Variants in PIP4K2C observed in about 807,000 individuals in gnomAD.
The protein encoded by PIP4K2C is phosphatidylinositol 5-phosphate 4-kinase type-2 gamma.
Under a neutral mutation model 45.0 loss-of-function variants are expected in PIP4K2C, and 21 were observed. That is an observed-to-expected ratio of 0.47 (90% CI 0.33 to 0.67). The LOEUF is 0.67. Ranked by LOEUF, PIP4K2C falls within the 30% of genes least tolerant of loss-of-function variation. PIP4K2C has a pLI of 0.02. For synonymous variants in PIP4K2C, 201 were observed against 204.8 expected (o/e 0.98, Z 0.16); for missense variants, 456 against 542.8 (o/e 0.84, Z 1.59).
In PIP4K2C at chr12:57,602,343, A is replaced by C. The variant is rs1819851411; in HGVS notation, c.*737A>C. 1 of 152,292 alleles carries C rather than the reference A, an allele frequency of 6.6e-6. No homozygotes were observed. The highest frequency in any genetic ancestry group is 2.4e-5 in the African/African-American group (1 of 41,452). The allele number at this position is 152,292 out of a possible 1,614,324, so 9.4% of individuals were successfully genotyped here. A position where few individuals can be genotyped will look rare whatever the true frequency, so the allele number is the denominator to read the frequency against. Reference sequence around the variant, plus strand: ...TCTCTACATCTGGGCACAGCAACCCAGAGATGGCCAAAAGCATTCAAGCCT... The same window carrying C: ...TCTCTACATCTGGGCACAGCAACCCCGAGATGGCCAAAAGCATTCAAGCCT... On this transcript the variant is annotated 3_prime_UTR_variant, in exon 10 of 10. Coordinates refer to ENST00000354947, the MANE Select transcript of PIP4K2C (RefSeq NM_024779.5).
At chr12:57,595,702 CAAA>C (rs67101543) in intron 3 of PIP4K2C, among the ~76,000 whole-genome samples, 183 bp from the exon 4 acceptor site, 46 of 101,498 alleles carry the variant, frequency 4.5e-4, no homozygotes, top group Admixed American at 4.9e-4. Flanking sequence ...GACTCCTTGT[CAAA>C]AAAAAAAAAA....
Position 57,601,982 on chromosome 12 carries a change from T to G in PIP4K2C, c.*376T>G, listed in dbSNP as rs1883461268. The G allele has an allele frequency of 4.2e-6, 1 of 240,014 alleles. No individual in the cohort carries two copies. Among genetic ancestry groups the G allele is most frequent in the Non-Finnish European group, 8.3e-6 (1 of 120,984 alleles). The allele number at this position is 240,014 out of a possible 1,614,324, so 14.9% of individuals were successfully genotyped here. A position where few individuals can be genotyped will look rare whatever the true frequency, so the allele number is the denominator to read the frequency against. On this transcript the variant is annotated 3_prime_UTR_variant, in exon 10 of 10. Coordinates refer to ENST00000354947, the MANE Select transcript of PIP4K2C (RefSeq NM_024779.5). ...CAGGACCTGACTGGACAGATGGACCTGGCTCAAGCAACTACTCTGGATGCA... is the reference window on the plus strand; with the variant it reads ...CAGGACCTGACTGGACAGATGGACCGGGCTCAAGCAACTACTCTGGATGCA...
chr12:57,595,939 T>G lies in PIP4K2C; in HGVS notation c.421T>G (p.Phe141Val), dbSNP rs761761394. ...PSESEGSDGR[F>V]LISYDRTLVI... ...CGAAAGTGAAGGCAGTGATGGTCGC[T>G]TCCTTATCTCCTACGATCGGACTCT... is the stretch of plus-strand genomic sequence containing the variant. Residue 141 changes from phenylalanine (F) to valine (V), a missense_variant, in exon 4 of 10, where the codon TTC (phenylalanine) becomes GTC (valine). Physicochemically the swap from Phe to Val is conservative, Grantham distance 50. Around this residue, in one of 2 missense-constraint regions of PIP4K2C, gnomAD observed 421 missense variants for 473.1 expected, o/e 0.89. Coordinates refer to ENST00000354947, the MANE Select transcript of PIP4K2C (RefSeq NM_024779.5). The G allele has an allele frequency of 3.2e-5, 51 of 1,613,934 alleles. No individual in the cohort carries two copies. Among genetic ancestry groups the G allele is most frequent in the Non-Finnish European group, 4.1e-5 (48 of 1,179,974 alleles).
At chr12:57,596,358 G>A (rs1166503737) in intron 4 of PIP4K2C, among the ~76,000 whole-genome samples, 2 of 152,056 alleles carry the variant, frequency 1.3e-5, no homozygotes, top group Non-Finnish European at 2.9e-5. Flanking sequence ...GATGGCTCAT[G>A]CCTGTAATCC....
In PIP4K2C at chr12:57,601,984, G is replaced by A. The variant is rs568045452; in HGVS notation, c.*378G>A. 5.1e-5 allele frequency: 12 copies of A among 236,000 alleles called. No homozygotes were observed. The highest frequency in any genetic ancestry group is 1.0e-4 in the Admixed American group (2 of 19,834). The allele number at this position is 236,000 out of a possible 1,614,324, so 14.6% of individuals were successfully genotyped here. Reference sequence around the variant, plus strand: ...GGACCTGACTGGACAGATGGACCTGGCTCAAGCAACTACTCTGGATGCACT... The same window carrying A: ...GGACCTGACTGGACAGATGGACCTGACTCAAGCAACTACTCTGGATGCACT... On this transcript the variant is annotated 3_prime_UTR_variant, in exon 10 of 10. Coordinates refer to ENST00000354947, the MANE Select transcript of PIP4K2C (RefSeq NM_024779.5).
chr12:57,601,805 C>A lies in PIP4K2C; in HGVS notation c.*199C>A. The A allele has an allele frequency of 1.7e-6, 1 of 589,244 alleles. No individual in the cohort carries two copies. The highest frequency in any genetic ancestry group is 3.0e-6 in the Non-Finnish European group (1 of 330,420). The allele number at this position is 589,244 out of a possible 1,614,324, so 36.5% of individuals were successfully genotyped here. On this transcript the variant is annotated 3_prime_UTR_variant, in exon 10 of 10. Transcript: ENST00000354947. The stretch of plus-strand genomic sequence containing the variant: ...ATACATTGTCCTTTTTCCTCTTTGC[C>A]CATTTTTCTTCCCTCTCTTCCTCCC...
chr12:57,595,273 G>T (rs1191433596), intron 3 of PIP4K2C, 51 bp downstream of exon 3: 1 of 1,179,870 alleles, frequency 8.5e-7, no homozygotes, highest in Non-Finnish European at 1.3e-6. Context: ...AGCAACTGAG[G>T]AGTACTATTT....
At chr12:57,600,642 C>T (rs1883387811) in intron 7 of PIP4K2C, among the ~76,000 whole-genome samples, 169 bp from the exon 8 acceptor site, 2 of 152,202 alleles carry the variant, frequency 1.3e-5, no homozygotes, top group South Asian at 4.1e-4. Flanking sequence ...AAAGGATGAT[C>T]TTAGATACTA....
rs1409990614 is a variant in PIP4K2C at position 57,600,417 on chromosome 12, A to G, written c.793A>G (p.Lys265Glu). The G allele has an allele frequency of 1.9e-6, 3 of 1,605,986 alleles. No individual in the cohort carries two copies. The highest frequency in any genetic ancestry group is 2.6e-6 in the Non-Finnish European group (3 of 1,172,888). The change falls in exon 7 of 10, where the codon AAG becomes GAG. Residue 265 changes from lysine to glutamate, a missense_variant. By Grantham distance (56) the Lys-to-Glu change is moderately conservative (BLOSUM62 1). This residue lies in a region of PIP4K2C where 421 missense variants were observed against 473.1 expected (regional missense o/e 0.89). Coordinates refer to ENST00000354947, the MANE Select transcript of PIP4K2C (RefSeq NM_024779.5). ...GEEEKKIFLE[K>E]LKRDVEFLVQ... ...AGAGGAGAAGAAAATATTTCTGGAG[A>G]AGCTGAAGAGAGATGTGGAGGTGAT...
chr12:57,595,233 A>G lies in PIP4K2C; in HGVS notation c.369+11A>G, dbSNP rs780488825. Reference sequence around the variant, plus strand: ...GACCAAGATTACTTGGTGAGAGTCCATTAAGGGGTGAGGGTAGCCCTTTCT... The same window carrying G: ...GACCAAGATTACTTGGTGAGAGTCCGTTAAGGGGTGAGGGTAGCCCTTTCT... On this transcript the variant is annotated intron_variant, in intron 3 of 9. Transcript: ENST00000354947. The G allele has an allele frequency of 7.2e-5, 113 of 1,560,106 alleles. No individual in the cohort carries two copies. In the East Asian group the frequency reaches 2.5e-3, roughly 34 times the overall value.
chr12:57,592,931 G>A (rs1355439042), intron 1 of PIP4K2C, among the ~76,000 whole-genome samples: 1 of 148,802 alleles, frequency 6.7e-6, no homozygotes, highest in African/African-American at 2.5e-5. Context: ...GGAGGGATAT[G>A]TTCTGTCCTC....
intron 1 of PIP4K2C, among the ~76,000 whole-genome samples, 176 bp downstream of exon 1, chr12:57,591,639 CT>C (rs1267677764): frequency 6.6e-6 from 1 of 152,194 alleles, no homozygotes; most frequent in Non-Finnish European, 1.5e-5. Context: ...TGACTGTGGA[CT>C]TTTTTCTCCC....
At chr12:57,599,460 A>T in intron 6 of PIP4K2C, 22 bp downstream of exon 6, 1 of 1,613,904 alleles carries the variant, frequency 6.2e-7, no homozygotes, top group Non-Finnish European at 8.5e-7. Context: ...TTTATGTGCT[A>T]GGGTGAGGGA....
intron 1 of PIP4K2C, among the ~76,000 whole-genome samples, chr12:57,593,712 A>C (rs1451416110): frequency 1.8e-5 from 1 of 55,594 alleles, no homozygotes; most frequent in African/African-American, 6.8e-5. Context: ...TTTTTTCTAG[A>C]ATTTCTCACA....
In PIP4K2C at chr12:57,594,111, C is replaced by A; in HGVS notation, c.261C>A (p.His87Gln). Residue 87 changes from histidine to glutamine, a missense_variant, in exon 2 of 10, where the codon CAC (histidine) becomes CAA (glutamine). Coordinates refer to ENST00000354947, the MANE Select transcript of PIP4K2C (RefSeq NM_024779.5). ...KASSKIKVNNHLFHRENLPSH... is the reference protein window; with the variant it reads ...KASSKIKVNNQLFHRENLPSH... Reference sequence around the variant, plus strand: ...GCTCCAAGATCAAGGTCAACAATCACCTTTTCCACAGGTAAGTGATGATCC... The same window carrying A: ...GCTCCAAGATCAAGGTCAACAATCAACTTTTCCACAGGTAAGTGATGATCC... 1 of 1,613,510 alleles carries A rather than the reference C, an allele frequency of 6.2e-7. No individual in the cohort carries two copies. The highest frequency in any genetic ancestry group is 8.5e-7 in the Non-Finnish European group (1 of 1,179,586).
chr12:57,593,670 G>A (rs1038502867), intron 1 of PIP4K2C, among the ~76,000 whole-genome samples: 9 of 107,672 alleles, frequency 8.4e-5, no homozygotes, highest in African/African-American at 1.1e-4. Flanking sequence ...CCTTGAGCTT[G>A]CAGAGTTTTT....
intron 6 of PIP4K2C, among the ~76,000 whole-genome samples, chr12:57,600,048 C>CAAA (rs56278212): frequency 3.6e-5 from 5 of 139,520 alleles, no homozygotes; most frequent in African/African-American, 1.5e-4. Flanking sequence ...GATCCTATCT[C>CAAA]AAAAAAAAAA....
intron 4 of PIP4K2C, among the ~76,000 whole-genome samples, chr12:57,598,724 A>G (rs1883298500): frequency 1.3e-5 from 2 of 152,176 alleles, no homozygotes; most frequent in South Asian, 4.1e-4. Context: ...ATAAGATATA[A>G]GTTGTAATCC....
intron 1 of PIP4K2C, among the ~76,000 whole-genome samples, chr12:57,592,551 G>A (rs551854052): frequency 8.6e-4 from 131 of 152,258 alleles, no homozygotes; most frequent in Non-Finnish European, 1.5e-3. Flanking sequence ...TAAGCTCTTA[G>A]TGAGTATTCA....
Sources: gnomAD v4.1 joint callset for allele counts (sites outside exome capture counted in the v4.1 genomes callset) on GRCh38, gnomAD v4.1.1 for gene constraint, gnomAD v4.1.1 regional missense constraint, MANE v1.5 for transcripts, NCBI Gene and HGNC (gene_info 2026-07-23, HGNC 2026-07-21) for gene names.